Variants in YEATS2 observed in about 807,000 individuals in gnomAD.
YEATS2 encodes YEATS domain-containing protein 2.
A neutral mutation model predicts 163.2 loss-of-function variants in YEATS2; 77 were observed. The ratio of observed to expected loss-of-function variants is 0.47; its 90% CI spans 0.39 to 0.57. The LOEUF is 0.57. Ranked by LOEUF, YEATS2 falls within the 20% of genes least tolerant of loss-of-function variation. YEATS2 has a pLI of 0.00. For missense variants in YEATS2, 1,549 were observed against 1,729.8 expected (o/e 0.90, Z 1.85); for synonymous variants, 631 against 645.1 (o/e 0.98, Z 0.33).
At chr3:183,714,024 C>T (rs1209665942) in intron 1 of YEATS2, among the ~76,000 whole-genome samples, 2 of 151,992 alleles carry the variant, frequency 1.3e-5, no homozygotes, top group South Asian at 2.1e-4. Context: ...AGGCTGGTCT[C>T]GAACTCCTGA....
intron 12 of YEATS2, among the ~76,000 whole-genome samples, chr3:183,758,408 T>C (rs1015137403): frequency 6.6e-6 from 1 of 152,164 alleles, no homozygotes; most frequent in Non-Finnish European, 1.5e-5. Context: ...CATAACTTTC[T>C]GGTGAAACTA....
At chr3:183,803,730 G>A in intron 26 of YEATS2, 1 of 526,452 alleles carries the variant, frequency 1.9e-6, no homozygotes, top group East Asian at 3.5e-5. Flanking sequence ...GCTGGGGTAG[G>A]AGGGGAGTGG....
At chr3:183,727,368 C>T (rs924665284) in intron 6 of YEATS2, among the ~76,000 whole-genome samples, 3 of 152,222 alleles carry the variant, frequency 2.0e-5, no homozygotes, top group Non-Finnish European at 4.4e-5. Flanking sequence ...TGTTTAGCCC[C>T]AATTTTCTTG....
chr3:183,742,411 A>T (rs1719069933), intron 8 of YEATS2, among the ~76,000 whole-genome samples: 1 of 152,172 alleles, frequency 6.6e-6, no homozygotes, highest in Non-Finnish European at 1.5e-5. Flanking sequence ...GTTTGGAAGA[A>T]GTTGATTCCA....
intron 5 of YEATS2, among the ~76,000 whole-genome samples, chr3:183,722,472 G>T (rs1213045004): frequency 1.3e-5 from 2 of 151,710 alleles, no homozygotes; most frequent in Non-Finnish European, 2.9e-5. Flanking sequence ...TATATTTTTA[G>T]TAGAGACGGG....
At chr3:183,744,409 G>A (rs1356583011) in intron 8 of YEATS2, among the ~76,000 whole-genome samples, 2 of 151,984 alleles carry the variant, frequency 1.3e-5, no homozygotes, top group Non-Finnish European at 2.9e-5. Context: ...GAGCCACTGC[G>A]CCTGGCCAGT....
intron 21 of YEATS2, among the ~76,000 whole-genome samples, chr3:183,793,653 C>A (rs1034089923): frequency 1.7e-5 from 2 of 118,090 alleles, no homozygotes; most frequent in Non-Finnish European, 3.3e-5. Flanking sequence ...GTTCTTGTCG[C>A]CCAGTCTGGA....
intron 15 of YEATS2, among the ~76,000 whole-genome samples, chr3:183,763,086 A>T (rs527903870): frequency 1.4e-5 from 2 of 145,862 alleles, no homozygotes; most frequent in African/African-American, 5.1e-5. Flanking sequence ...AAAAAAAAAT[A>T]GCACATAGAG....
At chr3:183,702,843 AAAG>A (rs939349861) in intron 1 of YEATS2, among the ~76,000 whole-genome samples, 1 of 152,012 alleles carries the variant, frequency 6.6e-6, no homozygotes, top group Non-Finnish European at 1.5e-5. Flanking sequence ...CAAAAAAAAA[AAAG>A]GGAATGGTAA....
At chr3:183,772,178 C>A in intron 15 of YEATS2, 127 bp from the exon 16 acceptor site, 1 of 1,321,182 alleles carries the variant, frequency 7.6e-7, no homozygotes, top group Non-Finnish European at 1.1e-6. Flanking sequence ...GTGTAGGTAG[C>A]TTTCCTAGAT....
At chr3:183,788,551 G>A (rs939259893) in intron 20 of YEATS2, among the ~76,000 whole-genome samples, 18 of 152,198 alleles carry the variant, frequency 1.2e-4, no homozygotes, top group African/African-American at 4.3e-4. Context: ...TTCACCTGGT[G>A]ATGGACACTT....
chr3:183,784,137 T>C (rs1047397119), intron 19 of YEATS2, among the ~76,000 whole-genome samples: 1 of 152,138 alleles, frequency 6.6e-6, no homozygotes, highest in African/African-American at 2.4e-5. Context: ...TGGGCTGAAG[T>C]GGCCTCCCAA....
intron 1 of YEATS2, among the ~76,000 whole-genome samples, chr3:183,710,009 G>A (rs867299831): frequency 4.6e-5 from 7 of 152,098 alleles, no homozygotes; most frequent in Admixed American, 2.0e-4. Context: ...TGGAGAAATG[G>A]ATGACAGTAG....
At position 183,809,122 on chromosome 3, in the gene YEATS2, T is replaced by C; in HGVS notation, c.4112T>C (p.Ile1371Thr). The C allele has an allele frequency of 1.9e-6, 3 of 1,614,162 alleles. No homozygotes were observed. Among genetic ancestry groups the C allele is most frequent in the Non-Finnish European group, 2.5e-6 (3 of 1,180,008 alleles). ...GCTACAGAACAGCTGGTGAATGATATCCTGAGACAGGCTTTGGCAGTTGGA... is the reference window on the plus strand; with the variant it reads ...GCTACAGAACAGCTGGTGAATGATACCCTGAGACAGGCTTTGGCAGTTGGA... ...LKATEQLVNDILRQALAVGYQ... is the reference protein window; with the variant it reads ...LKATEQLVNDTLRQALAVGYQ... Residue 1371 changes from isoleucine to threonine, a missense_variant, in exon 30 of 31, where the codon ATC becomes ACC. Ile to Thr is a moderately conservative substitution (Grantham distance 89, BLOSUM62 -1). Transcript: ENST00000305135.
intron 7 of YEATS2, among the ~76,000 whole-genome samples, chr3:183,729,101 T>A (rs1717430512): frequency 6.6e-6 from 1 of 152,052 alleles, no homozygotes; most frequent in African/African-American, 2.4e-5. Flanking sequence ...TGAAACCCGG[T>A]CTCCACTAAA....
chr3:183,755,079 A>G (rs770217572), intron 11 of YEATS2, among the ~76,000 whole-genome samples: 11 of 152,216 alleles, frequency 7.2e-5, no homozygotes, highest in Admixed American at 2.0e-4. Flanking sequence ...AATAGGATCC[A>G]AATCTTTGAT....
chr3:183,797,886 G>C, intron 21 of YEATS2, 37 bp from the exon 22 acceptor site: 1 of 1,612,438 alleles, frequency 6.2e-7, no homozygotes, highest in Non-Finnish European at 8.5e-7. Flanking sequence ...CGAAGCACCT[G>C]ACCTTCAACT....
chr3:183,787,379 T>A (rs1724164865), intron 20 of YEATS2, among the ~76,000 whole-genome samples: 1 of 152,224 alleles, frequency 6.6e-6, no homozygotes, highest in Non-Finnish European at 1.5e-5. Context: ...AAACTTGTTC[T>A]TGTCCTTTTT....
chr3:183,728,692 A>G lies in YEATS2; in HGVS notation c.653A>G (p.Tyr218Cys), dbSNP rs1425662220. ...GTTTCTTTTTTCTTCTTCTCTAGGT[A>G]TATACCTCCGGATAAGAGGGAAGAA... ...KTIVVGNVSKYIPPDKREEND... is the reference protein window; with the variant it reads ...KTIVVGNVSKCIPPDKREEND... The change falls in exon 7 of 31, where the codon TAT (tyrosine) becomes TGT (cysteine). Residue 218 changes from tyrosine (Y) to cysteine (C), a missense_variant and splice_region_variant. Transcript: ENST00000305135. 1.9e-6 allele frequency: 3 copies of G among 1,604,346 alleles called. No individual in the cohort carries two copies. The highest frequency in any genetic ancestry group is 8.5e-7 in the Non-Finnish European group (1 of 1,177,172).
Sources: allele counts gnomAD v4.1 joint callset (sites outside exome capture counted in the v4.1 genomes callset), GRCh38; gene constraint gnomAD v4.1.1; transcripts MANE v1.5; gene names NCBI Gene and HGNC (gene_info 2026-07-23, HGNC 2026-07-21).